FER1L6: variants seen among roughly 807,000 people sequenced by gnomAD.
The protein encoded by FER1L6 is fer-1-like protein 6.
A neutral mutation model predicts 219.2 loss-of-function variants in FER1L6; 177 were observed. The ratio of observed to expected loss-of-function variants is 0.81; its 90% CI spans 0.71 to 0.91. FER1L6 has a LOEUF of 0.91. FER1L6 is among the 40% of genes least tolerant of loss of function. The pLI is 0.00. For synonymous variants in FER1L6, 768 were observed against 824.3 expected, an observed-to-expected ratio of 0.93 and a Z score of 1.17; for missense variants, 2,153 against 2,259.9, an observed-to-expected ratio of 0.95 and a Z score of 0.96.
intron 1 of FER1L6, among the ~76,000 whole-genome samples, chr8:123,919,630 G>T (rs1480478005): frequency 2.0e-5 from 3 of 152,214 alleles, no homozygotes; most frequent in African/African-American, 7.2e-5. Context: ...AGTGCAAAAT[G>T]GAAACGTAGA....
At chr8:124,047,380 A>C (rs1452224222) in intron 21 of FER1L6, among the ~76,000 whole-genome samples, 1 of 152,234 alleles carries the variant, frequency 6.6e-6, no homozygotes, top group East Asian at 1.9e-4. Context: ...GACTAAAGGA[A>C]TGTTGTATAG....
chr8:124,091,161 A>T (rs1822011329), intron 33 of FER1L6, among the ~76,000 whole-genome samples: 1 of 152,228 alleles, frequency 6.6e-6, no homozygotes, highest in Non-Finnish European at 1.5e-5. Flanking sequence ...CAATTTTGTT[A>T]TGTGAATTTC....
intron 11 of FER1L6, among the ~76,000 whole-genome samples, chr8:123,982,153 G>A (rs1816352524): frequency 6.6e-6 from 1 of 152,130 alleles, no homozygotes; most frequent in Non-Finnish European, 1.5e-5. Flanking sequence ...GAGAATACAT[G>A]CCAACTTTGG....
intron 1 of FER1L6, among the ~76,000 whole-genome samples, chr8:123,863,030 T>A (rs1362972947): frequency 1.5e-5 from 2 of 136,876 alleles, no homozygotes; most frequent in East Asian, 3.9e-4. Flanking sequence ...AGCTTTTGAA[T>A]GTGTTTGCTC....
At chr8:123,903,403 TCAAA>T (rs1812893695) in intron 1 of FER1L6, among the ~76,000 whole-genome samples, 1 of 152,248 alleles carries the variant, frequency 6.6e-6, no homozygotes, top group South Asian at 2.1e-4. Flanking sequence ...AACATCGTTC[TCAAA>T]CAGTTGTTGG....
chr8:124,075,839 G>A (rs1300158135), intron 31 of FER1L6, among the ~76,000 whole-genome samples: 2 of 152,212 alleles, frequency 1.3e-5, no homozygotes, highest in Non-Finnish European at 2.9e-5. Context: ...GTGCGTGACT[G>A]TAGAACTAGA....
intron 1 of FER1L6, among the ~76,000 whole-genome samples, chr8:123,861,466 C>T (rs998988756): frequency 2.1e-5 from 3 of 140,910 alleles, no homozygotes; most frequent in Non-Finnish European, 4.5e-5. Flanking sequence ...GCGATGCGGG[C>T]TCTTTTTTGG....
At chr8:124,092,851 C>T (rs1255009668) in intron 34 of FER1L6, among the ~76,000 whole-genome samples, 1 of 56,420 alleles carries the variant, frequency 1.8e-5, no homozygotes, top group Non-Finnish European at 3.7e-5. Context: ...GAAGTGCTAC[C>T]CTTTTTTTTT....
chr8:123,875,365 G>A (rs904074783), intron 1 of FER1L6, among the ~76,000 whole-genome samples: 8 of 152,130 alleles, frequency 5.3e-5, no homozygotes, highest in African/African-American at 1.9e-4. Flanking sequence ...TTTCTGGGAC[G>A]TCATGGAATC....
chr8:123,960,843 T>C (rs1815240037), intron 2 of FER1L6, among the ~76,000 whole-genome samples: 1 of 152,182 alleles, frequency 6.6e-6, no homozygotes, highest in African/African-American at 2.4e-5. Context: ...TAAGGTAACA[T>C]TTACAGGCTT....
intron 1 of FER1L6, among the ~76,000 whole-genome samples, chr8:123,926,695 T>G (rs62518695): frequency 0.41 from 61,860 of 151,998 alleles, 12,952 homozygotes; most frequent in South Asian, 0.53. Flanking sequence ...TTATTCACAA[T>G]TCCAACATCC....
In FER1L6 at chr8:123,986,085, T is replaced by A; in HGVS notation, c.1428T>A (p.Asn476Lys). Residue 476 changes from asparagine to lysine, a missense_variant, in exon 12 of 41, where the codon AAT becomes AAA. Transcript: ENST00000522917. Reference sequence around the variant, plus strand: ...TTCTGTAGATTGTACCAGAAAAAAATGAGGAATTTTTACTCTTTGGAGCAT... The same window carrying A: ...TTCTGTAGATTGTACCAGAAAAAAAAGAGGAATTTTTACTCTTTGGAGCAT... Reference protein sequence around the residue: ...DVPPEIVPEKNEEFLLFGAFF... With the variant: ...DVPPEIVPEKKEEFLLFGAFF... The A allele has an allele frequency of 6.2e-7, 1 of 1,610,912 alleles. No individual in the cohort carries two copies. The highest frequency in any genetic ancestry group is 8.5e-7 in the Non-Finnish European group (1 of 1,177,200).
chr8:124,091,970 A>T (rs1303836085), intron 34 of FER1L6, among the ~76,000 whole-genome samples: 1 of 4,442 alleles, frequency 2.3e-4, no homozygotes, highest in Non-Finnish European at 7.0e-4. Context: ...CAAGTCTTAA[A>T]AAAAAAAAAA....
intron 13 of FER1L6, among the ~76,000 whole-genome samples, chr8:124,005,389 A>G (rs193188607): frequency 6.6e-6 from 1 of 152,180 alleles, no homozygotes; most frequent in African/African-American, 2.4e-5. Flanking sequence ...GCAGTGCCCC[A>G]TGGCAGTATC....
Position 123,963,433 on chromosome 8 carries a change from G to T in FER1L6, c.197+35G>T, listed in dbSNP as rs749488064. 7.4e-6 allele frequency: 12 copies of T among 1,611,600 alleles called. No homozygotes were observed. The Admixed American group carries it at 1.3e-4, about 18-fold the overall frequency. On this transcript the variant is annotated intron_variant, in intron 3 of 40. Coordinates refer to ENST00000522917, the MANE Select transcript of FER1L6 (RefSeq NM_001039112.2). ...GGATGCAGGTGGTCAACACACATTT[G>T]CTGAGCATCTCTTATGTGCCAAGCA...
rs1822298149 is a variant in FER1L6 at position 124,096,506 on chromosome 8, G to A, written c.4696-765G>A. Among the ~76,000 whole-genome samples, 6 of 152,254 alleles carry A rather than the reference G, an allele frequency of 3.9e-5. 1 individual carries two copies. The South Asian group carries it at 1.2e-3, about 32-fold the overall frequency. Reference sequence around the variant, plus strand: ...TACTCCTTTCTTGCCTAAGCTGACAGCATTCTTAGAATGTATACAACAGAG... The same window carrying A: ...TACTCCTTTCTTGCCTAAGCTGACAACATTCTTAGAATGTATACAACAGAG... On this transcript the variant is annotated intron_variant, in intron 35 of 40. Transcript: ENST00000522917.
At position 123,980,627 on chromosome 8, in the gene FER1L6, G is replaced by A. The variant is rs934724992; in HGVS notation, c.1226G>A (p.Arg409Gln). ...VEIAVEILSG[R>Q]AQESKFSKAL... ...ATTGCTGTGGAAATCCTCTCAGGAC[G>A]GGCACAGGAATCTAAATTTTCCAAG... is the stretch of plus-strand genomic sequence containing the variant. Residue 409 changes from arginine (R) to glutamine (Q), a missense_variant, in exon 11 of 41, where the codon CGG (arginine) becomes CAG (glutamine). By Grantham distance (43) the Arg-to-Gln change is conservative. Coordinates refer to ENST00000522917, the MANE Select transcript of FER1L6 (RefSeq NM_001039112.2). The A allele has an allele frequency of 5.0e-6, 8 of 1,613,978 alleles. No individual in the cohort carries two copies. The highest frequency in any genetic ancestry group is 1.6e-4 in the Middle Eastern group (1 of 6,084).
chr8:124,075,770 A>G lies in FER1L6; in HGVS notation c.4093-428A>G, dbSNP rs149517026. Among the ~76,000 whole-genome samples the G allele has an allele frequency of 5.9e-3, 898 of 152,274 alleles. 16 individuals carry two copies. Among genetic ancestry groups the G allele is most frequent in the African/African-American group, 0.02 (850 of 41,556 alleles). On this transcript the variant is annotated intron_variant, in intron 31 of 40. Coordinates refer to ENST00000522917, the MANE Select transcript of FER1L6 (RefSeq NM_001039112.2). ...CATAGGAATTTTTCAGCTCCATTATAATTTTATAGGACTGCCATCGTACAT... is the reference window on the plus strand; with the variant it reads ...CATAGGAATTTTTCAGCTCCATTATGATTTTATAGGACTGCCATCGTACAT...
At chr8:124,100,598 G>A (rs539832557) in intron 37 of FER1L6, among the ~76,000 whole-genome samples, 1 of 152,298 alleles carries the variant, frequency 6.6e-6, no homozygotes. Flanking sequence ...GAACCAGGGA[G>A]GAGGGGACCA....
Sources: gnomAD v4.1 joint callset for allele counts (sites outside exome capture counted in the v4.1 genomes callset) on GRCh38, gnomAD v4.1.1 for gene constraint, MANE v1.5 for transcripts, NCBI Gene and HGNC (gene_info 2026-07-23, HGNC 2026-07-21) for gene names.